ATG2B: variants seen among roughly 807,000 people sequenced by gnomAD.
ATG2B encodes the protein autophagy-related protein 2 homolog B.
In ATG2B, 121 loss-of-function variants were observed where a neutral mutation model predicts 241.3. The ratio of observed to expected loss-of-function variants is 0.50; its 90% CI spans 0.43 to 0.58. The LOEUF (loss-of-function observed/expected upper bound fraction) is 0.58. Among genes scored for constraint, ATG2B ranks in the 20% least tolerant of loss-of-function variants. The pLI is 0.00. For missense variants in ATG2B, 2,306 were observed against 2,491.6 expected, an observed-to-expected ratio of 0.93 and a Z score of 1.59; for synonymous variants, 858 against 876.6, an observed-to-expected ratio of 0.98 and a Z score of 0.37.
chr14:96,340,093 T>TATA (rs1887974899), intron 6 of ATG2B, among the ~76,000 whole-genome samples: 1 of 80,016 alleles, frequency 1.2e-5, no homozygotes, highest in Non-Finnish European at 2.7e-5. Flanking sequence ...TATGAATATA[T>TATA]GCTATATAGA....
chr14:96,296,760 C>CAA (rs796358676), intron 34 of ATG2B, among the ~76,000 whole-genome samples: 61 of 65,414 alleles, frequency 9.3e-4, no homozygotes, highest in African/African-American at 2.0e-3. Flanking sequence ...GACACTGTCT[C>CAA]AAAAAAAAAA....
chr14:96,344,427 C>T (rs1888120366), intron 4 of ATG2B, among the ~76,000 whole-genome samples: 1 of 152,156 alleles, frequency 6.6e-6, no homozygotes, highest in South Asian at 2.1e-4. Flanking sequence ...GAATAACTTG[C>T]TTTAAATTCA....
Position 96,322,429 on chromosome 14 carries a change from AC to A in ATG2B, c.2736+110del, listed in dbSNP as rs1429637489. 2.3e-6 allele frequency: 3 copies of A among 1,327,592 alleles called. No homozygotes were observed. In the African/African-American group the frequency reaches 4.5e-5, roughly 20 times the overall value. The allele number at this position is 1,327,592 out of a possible 1,614,324, so 82.2% of individuals were successfully genotyped here. ...GTATTATTCAATTTTGAAGTTTAAG[AC>A]CTAGCAAAAACAGTACACAAGGCAT... On this transcript the variant is annotated intron_variant, in intron 17 of 41. Coordinates refer to ENST00000359933, the MANE Select transcript of ATG2B (RefSeq NM_018036.7).
chr14:96,334,353 T>C (rs1595319932), intron 7 of ATG2B, 52 bp downstream of exon 7: 4 of 1,234,840 alleles, frequency 3.2e-6, no homozygotes, highest in Admixed American at 4.9e-5. Context: ...TTTTAAAGTT[T>C]TTTAAAATTT....
At chr14:96,357,684 G>T (rs1312073612) in intron 1 of ATG2B, among the ~76,000 whole-genome samples, 1 of 145,636 alleles carries the variant, frequency 6.9e-6, no homozygotes, top group Non-Finnish European at 1.5e-5. Context: ...TTTTTTCATA[G>T]TTTTTTTTTT....
In ATG2B at chr14:96,333,770, C is replaced by G; in HGVS notation, c.1125G>C (p.Leu375Phe). Residue 375 changes from leucine to phenylalanine, a missense_variant, in exon 8 of 42, where the codon TTG (leucine) becomes TTC (phenylalanine). Leu to Phe is a conservative substitution (Grantham distance 22). This residue lies in a region of ATG2B where 1,927 missense variants were observed against 2,011.2 expected (regional missense o/e 0.96). Coordinates refer to ENST00000359933, the MANE Select transcript of ATG2B (RefSeq NM_018036.7). ...RIQMELNRYY[L>F]RKDSLSVGVS... is the part of the protein sequence containing the mutation. Reference sequence around the variant, plus strand: ...CACCCACAGAGAGGGAATCTTTTCTCAAATAATACCGGTTTAATTCCATCT... The same window carrying G: ...CACCCACAGAGAGGGAATCTTTTCTGAAATAATACCGGTTTAATTCCATCT... 26 of 1,613,914 alleles carry G rather than the reference C, an allele frequency of 1.6e-5. No individual in the cohort carries two copies. Among genetic ancestry groups the G allele is most frequent in the Non-Finnish European group, 2.0e-5 (24 of 1,179,886 alleles).
In ATG2B at chr14:96,304,574, GGT is replaced by G; in HGVS notation, c.4761_4762del (p.Pro1588HisfsTer6). ...TACTGTATTACGTCCATGTCTCGTG[GGT>G]GTGTGAGAAGGCGAACTGTGGGGAC... On this transcript the variant is annotated frameshift_variant, in exon 32 of 42. Coordinates refer to ENST00000359933, the MANE Select transcript of ATG2B (RefSeq NM_018036.7). LOFTEE classifies it high-confidence loss of function. 2 of 1,610,486 alleles carry G rather than the reference GGT, an allele frequency of 1.2e-6. No individual in the cohort carries two copies. The highest frequency in any genetic ancestry group is 3.3e-4 in the Middle Eastern group (2 of 6,048).
intron 4 of ATG2B, among the ~76,000 whole-genome samples, chr14:96,343,863 T>C (rs1353385234): frequency 6.6e-6 from 1 of 152,254 alleles, no homozygotes; most frequent in African/African-American, 2.4e-5. Context: ...TCCAAAGATC[T>C]GCTAACAATA....
At chr14:96,358,507 T>A (rs114177765) in intron 1 of ATG2B, among the ~76,000 whole-genome samples, 3,073 of 152,274 alleles carry the variant, frequency 0.02, 109 homozygotes, top group African/African-American at 0.07. Flanking sequence ...AGAATTTACA[T>A]TGCACCACTA....
Position 96,280,971 on chromosome 14 carries a change from C to T in ATG2B, c.*4784G>A, listed in dbSNP as rs945465722. The T allele has an allele frequency of 2.0e-5, 3 of 152,298 alleles. No individual in the cohort carries two copies. The highest frequency in any genetic ancestry group is 4.4e-5 in the Non-Finnish European group (3 of 68,026). 9.4% of individuals were successfully genotyped at this position (152,298 alleles called of 1,614,324 possible). On this transcript the variant is annotated 3_prime_UTR_variant, in exon 42 of 42. Transcript: ENST00000359933. ...TACTCCTCCAAATAGTTATCAGTTT[C>T]GTGATATCAAACTAGGAGGTGTGTT...
chr14:96,362,078 A>T (rs1888650426), intron 1 of ATG2B, among the ~76,000 whole-genome samples: 1 of 152,134 alleles, frequency 6.6e-6, no homozygotes, highest in Non-Finnish European at 1.5e-5. Context: ...TATAGCAATG[A>T]GTGAATTCAC....
Position 96,346,641 on chromosome 14 carries a change from T to G in ATG2B, c.325+538A>C, listed in dbSNP as rs576392689. On this transcript the variant is annotated intron_variant, in intron 2 of 41. Coordinates refer to ENST00000359933, the MANE Select transcript of ATG2B (RefSeq NM_018036.7). ...TCTATCTAATTCTATCATTTTTTTC[T>G]CTATTTATAAGTAGCTATTCTGCTA... Among the ~76,000 whole-genome samples, 40 of 152,354 alleles carry G rather than the reference T, an allele frequency of 2.6e-4. No homozygotes were observed. In the South Asian group the frequency reaches 7.4e-3, roughly 28 times the overall value.
intron 1 of ATG2B, among the ~76,000 whole-genome samples, chr14:96,355,077 C>A (rs1306303842): frequency 6.6e-6 from 1 of 152,148 alleles, no homozygotes; most frequent in Non-Finnish European, 1.5e-5. Context: ...AATTTTCTCC[C>A]ATTCTGTAGG....
In ATG2B at chr14:96,323,967, A is replaced by G. The variant is rs1887524506; in HGVS notation, c.2469T>C (p.Ser823=). The change falls in exon 16 of 42, where the codon TCT becomes TCC. Residue 823 remains serine (S), a synonymous_variant. Coordinates refer to ENST00000359933, the MANE Select transcript of ATG2B (RefSeq NM_018036.7). ...CACTAGACACATGGAAAAACTTAATAGATGGATCTCCTTTCTCTTCCTGGA... is the reference window on the plus strand; with the variant it reads ...CACTAGACACATGGAAAAACTTAATGGATGGATCTCCTTTCTCTTCCTGGA... The part of the protein sequence containing the change: ...GSFQEEKGDP[S]IKFFHVSSGV... The G allele has an allele frequency of 6.2e-7, 1 of 1,609,944 alleles. No individual in the cohort carries two copies. The highest frequency in any genetic ancestry group is 8.5e-7 in the Non-Finnish European group (1 of 1,178,658).
chr14:96,308,270 ATATATATATATATTTTTTTT>A (rs1887047287), intron 29 of ATG2B, among the ~76,000 whole-genome samples: 1 of 27,904 alleles, frequency 3.6e-5, no homozygotes, highest in African/African-American at 2.0e-4. Context: ...ATATATATAT[ATATATATATATATTTTTTTT>A]TTTTTTTTTT....
intron 34 of ATG2B, among the ~76,000 whole-genome samples, chr14:96,299,315 C>G (rs901461659): frequency 4.6e-5 from 7 of 152,202 alleles, no homozygotes; most frequent in Non-Finnish European, 2.9e-5. Context: ...TTCCAAACTC[C>G]CAGTCTAGGT....
rs777268430 is a variant in ATG2B at position 96,285,721 on chromosome 14, C to T, written c.*34G>A. The T allele has an allele frequency of 2.5e-6, 4 of 1,594,514 alleles. No individual in the cohort carries two copies. Among genetic ancestry groups the T allele is most frequent in the South Asian group, 2.2e-5 (2 of 90,400 alleles). ...TCAGGACTCTGAGCTCCTGGTTCCA[C>T]TCTCCTTATCTTCACACTGTCAGTT... On this transcript the variant is annotated 3_prime_UTR_variant, in exon 42 of 42. Transcript: ENST00000359933. The surrounding 1 kb of genome is among the most constrained non-coding windows in gnomAD (Gnocchi z 4.2).
chr14:96,347,118 G>T (rs1039941241), intron 2 of ATG2B, 61 bp downstream of exon 2: 2 of 1,384,510 alleles, frequency 1.4e-6, no homozygotes, highest in African/African-American at 2.8e-5. Context: ...AGGTAATCAG[G>T]TTACTTTCCC....
At chr14:96,334,153 C>A (rs1276454843) in intron 7 of ATG2B, among the ~76,000 whole-genome samples, 1 of 152,110 alleles carries the variant, frequency 6.6e-6, no homozygotes, top group Non-Finnish European at 1.5e-5. Context: ...GAAGTACTAT[C>A]CCCAACCAAA....
Sources: gnomAD v4.1 joint callset for allele counts (sites outside exome capture counted in the v4.1 genomes callset) on GRCh38, gnomAD v4.1.1 for gene constraint, gnomAD v4.1.1 regional missense constraint, Gnocchi (gnomAD v3.1) non-coding constraint, MANE v1.5 for transcripts, NCBI Gene and HGNC (gene_info 2026-07-23, HGNC 2026-07-21) for gene names.